The following EGFLAM variants were observed in gnomAD, a reference collection of about 807,000 sequenced individuals.
The protein encoded by EGFLAM is pikachurin.
In EGFLAM, 79 loss-of-function variants were observed where a neutral mutation model predicts 113.1. The observed-to-expected ratio is 0.70, with a 90% CI of 0.58 to 0.84. EGFLAM has a LOEUF of 0.84. Among genes scored for constraint, EGFLAM ranks in the 40% least tolerant of loss-of-function variants. EGFLAM has a pLI of 0.00. For missense variants in EGFLAM, 1,265 were observed against 1,291.6 expected, an observed-to-expected ratio of 0.98 and a Z score of 0.32; for synonymous variants, 504 against 487.6, an observed-to-expected ratio of 1.03 and a Z score of -0.44.
chr5:38,381,708 C>G (rs564548437), intron 6 of EGFLAM, among the ~76,000 whole-genome samples: 1 of 152,298 alleles, frequency 6.6e-6, no homozygotes, highest in African/African-American at 2.4e-5. Flanking sequence ...GGGGAACACT[C>G]TGACTCTTTT....
In EGFLAM at chr5:38,271,438, C is replaced by T. The variant is rs566058014; in HGVS notation, c.97+12587C>T. On this transcript the variant is annotated intron_variant, in intron 1 of 21. Transcript: ENST00000322350. ...TTCTTTTCTGGCTCACTACTGCTTT[C>T]CAAACTCTAAAGCTGGGCCTCTGAA... Among the ~76,000 whole-genome samples the T allele has an allele frequency of 1.3e-4, 20 of 152,284 alleles. No homozygotes were observed. In the South Asian group the frequency reaches 3.7e-3, roughly 28 times the overall value.
intron 1 of EGFLAM, among the ~76,000 whole-genome samples, chr5:38,314,429 C>T (rs1738537895): frequency 6.6e-6 from 1 of 152,140 alleles, no homozygotes; most frequent in Non-Finnish European, 1.5e-5. Flanking sequence ...GAGCCAGAAC[C>T]ATTATGTGAA....
At chr5:38,279,328 A>G (rs2367213) in intron 1 of EGFLAM, among the ~76,000 whole-genome samples, 62,921 of 152,004 alleles carry the variant, frequency 0.41, 13,552 homozygotes, top group Middle Eastern at 0.58. Context: ...CTAAAAATTA[A>G]TAGAACTACC....
At chr5:38,412,399 C>A in intron 10 of EGFLAM, 105 bp from the exon 11 acceptor site, 1 of 1,544,340 alleles carries the variant, frequency 6.5e-7, no homozygotes. Flanking sequence ...TCTGAACAGA[C>A]TGACTCTGAA....
intron 1 of EGFLAM, among the ~76,000 whole-genome samples, chr5:38,290,434 C>T (rs1198430324): frequency 6.6e-6 from 1 of 152,154 alleles, no homozygotes; most frequent in Non-Finnish European, 1.5e-5. Context: ...CCGATAACCC[C>T]GACAGGATAT....
In EGFLAM at chr5:38,431,234, A is replaced by G. The variant is rs149695659; in HGVS notation, c.2112A>G (p.Ala704=). ...NWHELRVSRT[A]KNGILQVDKQ... is the part of the protein sequence containing the mutation. ...ACGAGCTTCGTGTATCTCGCACAGC[A>G]AAGAATGGAATCTTACAGGTGGATA... Residue 704 remains alanine (A), a synonymous_variant, in exon 15 of 22, where the codon GCA becomes GCG. Transcript: ENST00000322350. 4.3e-6 allele frequency: 7 copies of G among 1,614,082 alleles called. No individual in the cohort carries two copies. Among genetic ancestry groups the G allele is most frequent in the African/African-American group, 4.0e-5 (3 of 74,918 alleles).
intron 5 of EGFLAM, among the ~76,000 whole-genome samples, chr5:38,367,115 G>A (rs1326462251): frequency 1.3e-5 from 2 of 152,108 alleles, no homozygotes; most frequent in Non-Finnish European, 2.9e-5. Flanking sequence ...AATGCTTGCA[G>A]TGTATGCCCT....
rs766318974 is a variant in EGFLAM, at chr5:38,418,122, C to A, written c.1551C>A (p.Ser517Arg). The A allele has an allele frequency of 2.5e-6, 4 of 1,614,138 alleles. No individual in the cohort carries two copies. The highest frequency in any genetic ancestry group is 3.4e-6 in the Non-Finnish European group (4 of 1,180,006). Reference sequence around the variant, plus strand: ...CTCTCTATCTTGGTGGCGCTCCCAGCGCTTACTGGTTGGTTAGAGCAACAG... The same window carrying A: ...CTCTCTATCTTGGTGGCGCTCCCAGAGCTTACTGGTTGGTTAGAGCAACAG... ...RTPLYLGGAPSAYWLVRATGT... is the reference protein window; with the variant it reads ...RTPLYLGGAPRAYWLVRATGT... The change falls in exon 12 of 22, where the codon AGC becomes AGA. Residue 517 changes from serine to arginine, a missense_variant. Physicochemically the swap from Ser to Arg is moderately radical, Grantham distance 110. Coordinates refer to ENST00000322350, the MANE Select transcript of EGFLAM (RefSeq NM_152403.4).
intron 1 of EGFLAM, among the ~76,000 whole-genome samples, 182 bp from the exon 2 acceptor site, chr5:38,337,338 G>A (rs979377279): frequency 5.3e-5 from 8 of 152,196 alleles, no homozygotes; most frequent in Non-Finnish European, 1.2e-4. Flanking sequence ...GGTTGGGAAG[G>A]GATAGCAAAG....
intron 5 of EGFLAM, among the ~76,000 whole-genome samples, chr5:38,358,206 G>A (rs2112004226): frequency 6.6e-6 from 1 of 151,926 alleles, no homozygotes; most frequent in Admixed American, 6.6e-5. Flanking sequence ...AGCACTTTGG[G>A]AGGCCGAGGT....
At chr5:38,277,370 A>C (rs1433845348) in intron 1 of EGFLAM, among the ~76,000 whole-genome samples, 3 of 152,186 alleles carry the variant, frequency 2.0e-5, no homozygotes, top group Non-Finnish European at 4.4e-5. Context: ...ACATTCCTTC[A>C]CCATAAAAAG....
chr5:38,458,347 G>A lies in EGFLAM; in HGVS notation c.2724G>A (p.Val908=), dbSNP rs1355881506. The change falls in exon 20 of 22, where the codon GTG becomes GTA. Residue 908 remains valine, a synonymous_variant. Transcript: ENST00000322350. The part of the protein sequence containing the change: ...NLGSGVASIM[V]NGSFNDGRWH... ...GCAGTGGTGTGGCATCCATCATGGT[G>A]AATGGCTCCTTCAACGATGGTCGGT... The A allele has an allele frequency of 1.2e-6, 2 of 1,614,094 alleles. No individual in the cohort carries two copies. The highest frequency in any genetic ancestry group is 4.5e-5 in the East Asian group (2 of 44,870).
chr5:38,276,431 C>A (rs1411219281), intron 1 of EGFLAM, among the ~76,000 whole-genome samples: 1 of 151,850 alleles, frequency 6.6e-6, no homozygotes, highest in Non-Finnish European at 1.5e-5. Flanking sequence ...AAAAGCAGTT[C>A]TAATAGGGAA....
intron 13 of EGFLAM, among the ~76,000 whole-genome samples, chr5:38,425,816 T>A (rs928893062): frequency 6.6e-6 from 1 of 152,218 alleles, no homozygotes; most frequent in Non-Finnish European, 1.5e-5. Flanking sequence ...AGAATTTCTG[T>A]CAATTTCTGA....
At chr5:38,284,609 C>G (rs1361319208) in intron 1 of EGFLAM, among the ~76,000 whole-genome samples, 2 of 152,186 alleles carry the variant, frequency 1.3e-5, no homozygotes, top group Non-Finnish European at 2.9e-5. Flanking sequence ...TTTGCCTGCT[C>G]TATGGTCTCC....
intron 1 of EGFLAM, among the ~76,000 whole-genome samples, chr5:38,282,998 T>C (rs1758056855): frequency 2.6e-5 from 4 of 152,238 alleles, no homozygotes; most frequent in Admixed American, 2.6e-4. Flanking sequence ...ACTACAGGCA[T>C]GTGCCACCAC....
At chr5:38,316,303 C>T (rs1244653416) in intron 1 of EGFLAM, among the ~76,000 whole-genome samples, 1 of 152,018 alleles carries the variant, frequency 6.6e-6, no homozygotes, top group African/African-American at 2.4e-5. Flanking sequence ...TTCACCAGCT[C>T]CAGTCCCCAT....
intron 5 of EGFLAM, among the ~76,000 whole-genome samples, chr5:38,361,590 C>T (rs914159030): frequency 2.0e-5 from 3 of 151,934 alleles, no homozygotes; most frequent in South Asian, 2.1e-4. Context: ...TTGGGCCACA[C>T]GTAAAACACA....
intron 1 of EGFLAM, among the ~76,000 whole-genome samples, chr5:38,268,464 C>T (rs990198265): frequency 9.2e-5 from 14 of 152,232 alleles, no homozygotes; most frequent in East Asian, 3.9e-4. Flanking sequence ...CCCAACTATA[C>T]GGTTTCTGGG....
Sources: allele counts gnomAD v4.1 joint callset (sites outside exome capture counted in the v4.1 genomes callset), GRCh38; gene constraint gnomAD v4.1.1; transcripts MANE v1.5; gene names NCBI Gene and HGNC (gene_info 2026-07-23, HGNC 2026-07-21).